PRDM15: variants seen among roughly 807,000 people sequenced by gnomAD.
The protein encoded by PRDM15 is PR domain zinc finger protein 15.
In PRDM15, 64 loss-of-function variants were observed where a neutral mutation model predicts 128.6. That is an observed-to-expected ratio of 0.50 (90% CI 0.41 to 0.61). The LOEUF (loss-of-function observed/expected upper bound fraction) is 0.61. PRDM15 is among the 20% of genes least tolerant of loss of function. The pLI, the probability that PRDM15 is intolerant of heterozygous loss-of-function variation, is 0.00. For missense variants in PRDM15, 1,242 were observed against 1,569.1 expected, an observed-to-expected ratio of 0.79 and a Z score of 3.52; for synonymous variants, 615 against 621.8, an observed-to-expected ratio of 0.99 and a Z score of 0.16.
chr21:41,850,407 T>G (rs2063393142), intron 5 of PRDM15, among the ~76,000 whole-genome samples: 1 of 151,092 alleles, frequency 6.6e-6, no homozygotes, highest in African/African-American at 2.4e-5. Context: ...CAGGTTCTTG[T>G]AAAGAAACAA....
intron 7 of PRDM15, among the ~76,000 whole-genome samples, chr21:41,839,043 GC>G (rs999885808): frequency 3.0e-4 from 45 of 152,324 alleles, no homozygotes; most frequent in African/African-American, 1.1e-3. Flanking sequence ...AGGGACAAGA[GC>G]CTTACAGAGA....
Position 41,810,935 on chromosome 21 carries a change from C to G in PRDM15, c.2393-99G>C. On this transcript the variant is annotated intron_variant, in intron 19 of 23. Coordinates refer to ENST00000398548, the MANE Select transcript of PRDM15 (RefSeq NM_001040424.3). The surrounding 1 kb of genome is among the most constrained non-coding windows in gnomAD (Gnocchi z 6.4). Reference sequence around the variant, plus strand: ...CTGACACGTTCCAGGCACTGTAGGGCCTTCAGGAGAAGGTGAATTGCAAGA... The same window carrying G: ...CTGACACGTTCCAGGCACTGTAGGGGCTTCAGGAGAAGGTGAATTGCAAGA... 9.6e-7 allele frequency: 1 copy of G among 1,043,064 alleles called. No homozygotes were observed. The highest frequency in any genetic ancestry group is 1.5e-6 in the Non-Finnish European group (1 of 675,018). 64.6% of individuals were successfully genotyped at this position (1,043,064 alleles called of 1,614,324 possible).
chr21:41,808,757 CACGT>C (rs992215657), intron 21 of PRDM15, among the ~76,000 whole-genome samples: 7 of 152,182 alleles, frequency 4.6e-5, no homozygotes, highest in African/African-American at 1.7e-4. Context: ...ACTGCTCTTT[CACGT>C]ACGTAATGAG....
Position 41,862,258 on chromosome 21 carries a change from C to T in PRDM15, c.-9-1886G>A, listed in dbSNP as rs73361558. 0.027 allele frequency among the ~76,000 whole-genome samples: 4,183 copies of T among 152,230 alleles called. 196 individuals carry two copies. The highest frequency in any genetic ancestry group is 0.094 in the African/African-American group (3,913 of 41,530). ...AGGCCTTAAGAGGCGCCCCACACTG[C>T]GGTCAGATCACCGCAGAACACAGAG... On this transcript the variant is annotated intron_variant, in intron 1 of 23. Coordinates refer to ENST00000398548, the MANE Select transcript of PRDM15 (RefSeq NM_001040424.3). The surrounding 1 kb of genome is among the most constrained non-coding windows in gnomAD (Gnocchi z 4.1).
At chr21:41,820,467 G>A (rs1197822308) in intron 16 of PRDM15, among the ~76,000 whole-genome samples, 2 of 152,188 alleles carry the variant, frequency 1.3e-5, no homozygotes, top group Non-Finnish European at 2.9e-5. Flanking sequence ...AATCTGACCA[G>A]TGTCCTTATA....
At chr21:41,838,815 G>A (rs1021965844) in intron 7 of PRDM15, among the ~76,000 whole-genome samples, 4 of 152,202 alleles carry the variant, frequency 2.6e-5, no homozygotes, top group African/African-American at 9.6e-5. Context: ...CACAATGGCT[G>A]CTCTTCCCAA....
rs571684190 is a variant in PRDM15 at position 41,802,976 on chromosome 21, C to T, written c.2734-55G>A. 2.3e-3 allele frequency: 3,332 copies of T among 1,444,160 alleles called. 6 individuals are homozygous for T. Among genetic ancestry groups the T allele is most frequent in the Non-Finnish European group, 2.9e-3 (2,963 of 1,030,474 alleles). 89.5% of individuals were successfully genotyped at this position (1,444,160 alleles called of 1,614,324 possible). On this transcript the variant is annotated intron_variant, in intron 22 of 23. Transcript: ENST00000398548. ...CAGGTTAGTCGGTCACGTCAGGCAG[C>T]GGCCAGGGCAGCCCCAGCACTGCCC...
chr21:41,826,020 G>A lies in PRDM15; in HGVS notation c.1569C>T (p.Ala523=), dbSNP rs760490404. Reference sequence around the variant, plus strand: ...TGTAACGGACCAGGTTCTCCCCACCGGCCTCCAGGTCCTCTCGCTTCACTC... The same window carrying A: ...TGTAACGGACCAGGTTCTCCCCACCAGCCTCCAGGTCCTCTCGCTTCACTC... ...VRRVKREDLE[A]GGENLVRYKK... The change falls in exon 13 of 24, where the codon GCC becomes GCT. Residue 523 remains alanine (A), a synonymous_variant. Coordinates refer to ENST00000398548, the MANE Select transcript of PRDM15 (RefSeq NM_001040424.3). 17 of 1,613,980 alleles carry A rather than the reference G, an allele frequency of 1.1e-5. No individual in the cohort carries two copies. The highest frequency in any genetic ancestry group is 6.6e-5 in the South Asian group (6 of 91,084).
chr21:41,861,483 C>G, intron 1 of PRDM15: 1 of 1,255,332 alleles, frequency 8.0e-7, no homozygotes, highest in East Asian at 2.3e-5. Flanking sequence ...TTGGGAGGAG[C>G]ATAAAGTGAG....
At chr21:41,845,921 G>A (rs946267684) in intron 6 of PRDM15, among the ~76,000 whole-genome samples, 4 of 152,062 alleles carry the variant, frequency 2.6e-5, no homozygotes, top group African/African-American at 7.3e-5. Flanking sequence ...CATGAGGTCC[G>A]GGGCGTGCTC....
chr21:41,818,365 C>T (rs1450448905), intron 18 of PRDM15, among the ~76,000 whole-genome samples: 3 of 152,212 alleles, frequency 2.0e-5, no homozygotes, highest in Non-Finnish European at 2.9e-5. Flanking sequence ...CTGCGAGGAC[C>T]GGCTGGGGTT....
intron 4 of PRDM15, among the ~76,000 whole-genome samples, chr21:41,856,558 T>C (rs922092354): frequency 2.6e-5 from 4 of 152,066 alleles, no homozygotes; most frequent in African/African-American, 7.2e-5. Context: ...AGGGCAGGCA[T>C]GGCAACAGTC....
At chr21:41,822,522 A>G (rs1310358440) in intron 14 of PRDM15, among the ~76,000 whole-genome samples, 1 of 152,270 alleles carries the variant, frequency 6.6e-6, no homozygotes, top group African/African-American at 2.4e-5. Flanking sequence ...CAGTACTTCA[A>G]GCCTGGCAGT....
In PRDM15 at chr21:41,867,385, C is replaced by G. The variant is rs760153120; in HGVS notation, c.-9-7013G>C. The G allele has an allele frequency of 4.3e-6, 7 of 1,609,894 alleles. No homozygotes were observed. In the African/African-American group the frequency reaches 9.4e-5, roughly 22 times the overall value. ...AGTTTTGTGCAAAGGGTCCTGAAAG[C>G]AGTGAAAGGAAAGCAAGCTGAGGCT... On this transcript the variant is annotated intron_variant, in intron 1 of 23. Coordinates refer to ENST00000398548, the MANE Select transcript of PRDM15 (RefSeq NM_001040424.3).
At chr21:41,864,366 G>A (rs2063926533) in intron 1 of PRDM15, among the ~76,000 whole-genome samples, 1 of 151,962 alleles carries the variant, frequency 6.6e-6, no homozygotes, top group African/African-American at 2.4e-5. Context: ...AAAATCTTTG[G>A]GCTCTAGGGC....
intron 4 of PRDM15, among the ~76,000 whole-genome samples, chr21:41,855,501 C>T (rs975344294): frequency 6.6e-6 from 1 of 152,156 alleles, no homozygotes; most frequent in Non-Finnish European, 1.5e-5. Flanking sequence ...CTAAGCTTCT[C>T]CTAGAGAGGC....
intron 1 of PRDM15, chr21:41,871,359 G>A (rs1406455480): frequency 6.0e-5 from 6 of 100,798 alleles, no homozygotes; most frequent in Non-Finnish European, 9.1e-5. Flanking sequence ...CCAACCTCCT[G>A]CACCACCACC....
At chr21:41,841,339 G>A (rs1281020283) in intron 6 of PRDM15, among the ~76,000 whole-genome samples, 1 of 152,170 alleles carries the variant, frequency 6.6e-6, no homozygotes, top group Non-Finnish European at 1.5e-5. Flanking sequence ...ATAATGGAAG[G>A]CATAAAGTAG....
Position 41,862,271 on chromosome 21 carries a change from G to A in PRDM15, c.-9-1899C>T, listed in dbSNP as rs192248886. Among the ~76,000 whole-genome samples, 2 of 152,194 alleles carry A rather than the reference G, an allele frequency of 1.3e-5. No homozygotes were observed. Among genetic ancestry groups the A allele is most frequent in the Non-Finnish European group, 2.9e-5 (2 of 68,024 alleles). On this transcript the variant is annotated intron_variant, in intron 1 of 23. Coordinates refer to ENST00000398548, the MANE Select transcript of PRDM15 (RefSeq NM_001040424.3). The surrounding 1 kb of genome is among the most constrained non-coding windows in gnomAD (Gnocchi z 4.1). ...CGCCCCACACTGCGGTCAGATCACC[G>A]CAGAACACAGAGTCCCAACAAAGGT...
Sources: allele counts gnomAD v4.1 joint callset (sites outside exome capture counted in the v4.1 genomes callset), GRCh38; gene constraint gnomAD v4.1.1; non-coding constraint Gnocchi (gnomAD v3.1); transcripts MANE v1.5; gene names NCBI Gene and HGNC (gene_info 2026-07-23, HGNC 2026-07-21).